The following ST6GALNAC3 variants were observed in gnomAD, a reference collection of about 807,000 sequenced individuals.
ST6GALNAC3 encodes alpha-N-acetylgalactosaminide alpha-2,6-sialyltransferase 3.
In ST6GALNAC3, 25 loss-of-function variants were observed where a neutral mutation model predicts 32.7. That is an observed-to-expected ratio of 0.76 (90% CI 0.56 to 1.07). ST6GALNAC3 has a LOEUF of 1.07. Ranked by LOEUF, ST6GALNAC3 falls within the 50% of genes least tolerant of loss-of-function variation. ST6GALNAC3 has a pLI of 0.00. For missense variants in ST6GALNAC3, 355 were observed against 382.4 expected (o/e 0.93, Z 0.60); for synonymous variants, 129 against 133.1 (o/e 0.97, Z 0.21).
At chr1:76,618,450 T>C (rs1230991589) in intron 3 of ST6GALNAC3, among the ~76,000 whole-genome samples, 1 of 152,204 alleles carries the variant, frequency 6.6e-6, no homozygotes, top group Admixed American at 6.5e-5. Context: ...GAGGATTAAA[T>C]GAGACAACAA....
chr1:76,335,665 G>T (rs982288834), intron 2 of ST6GALNAC3, among the ~76,000 whole-genome samples: 1 of 152,094 alleles, frequency 6.6e-6, no homozygotes, highest in Non-Finnish European at 1.5e-5. Context: ...AAATGATGTC[G>T]TTCAAGGACT....
chr1:76,608,278 A>C (rs1440567944), intron 3 of ST6GALNAC3, among the ~76,000 whole-genome samples: 1 of 152,226 alleles, frequency 6.6e-6, no homozygotes, highest in African/African-American at 2.4e-5. Flanking sequence ...AATGGTATTT[A>C]TTCATTTAAT....
intron 3 of ST6GALNAC3, among the ~76,000 whole-genome samples, chr1:76,514,782 A>G (rs1662076090): frequency 6.6e-6 from 1 of 152,172 alleles, no homozygotes; most frequent in Non-Finnish European, 1.5e-5. Context: ...CTCTTATTAC[A>G]ACACCAAATA....
intron 1 of ST6GALNAC3, among the ~76,000 whole-genome samples, chr1:76,239,065 G>C (rs2100660672): frequency 6.6e-6 from 1 of 151,728 alleles, no homozygotes; most frequent in South Asian, 2.1e-4. Context: ...GAGTGGGCTT[G>C]GGCCACCAGC....
intron 1 of ST6GALNAC3, among the ~76,000 whole-genome samples, chr1:76,207,847 C>A (rs1262061292): frequency 2.0e-5 from 3 of 152,180 alleles, no homozygotes; most frequent in Non-Finnish European, 4.4e-5. Flanking sequence ...TTCCCATAGT[C>A]CATATTCTTT....
intron 2 of ST6GALNAC3, among the ~76,000 whole-genome samples, chr1:76,379,894 G>A (rs767570930): frequency 3.2e-4 from 49 of 152,246 alleles, no homozygotes; most frequent in South Asian, 2.5e-3. Context: ...TTGATGAGGC[G>A]AAACAGGAGG....
intron 1 of ST6GALNAC3, among the ~76,000 whole-genome samples, chr1:76,237,803 A>G (rs1656742238): frequency 6.6e-6 from 1 of 152,234 alleles, no homozygotes; most frequent in African/African-American, 2.4e-5. Context: ...TTAAACACCT[A>G]TCATGTGCAA....
chr1:76,559,631 C>T (rs1665130969), intron 3 of ST6GALNAC3, among the ~76,000 whole-genome samples: 1 of 152,074 alleles, frequency 6.6e-6, no homozygotes, highest in Non-Finnish European at 1.5e-5. Flanking sequence ...ACTGATCATC[C>T]CTCACACAAG....
At chr1:76,618,668 T>C (rs1361928375) in intron 3 of ST6GALNAC3, among the ~76,000 whole-genome samples, 1 of 152,146 alleles carries the variant, frequency 6.6e-6, no homozygotes, top group African/African-American at 2.4e-5. Context: ...TTTGGGCTCA[T>C]GTTGATCCCA....
At chr1:76,588,112 C>G (rs1192116212) in intron 3 of ST6GALNAC3, among the ~76,000 whole-genome samples, 1 of 152,200 alleles carries the variant, frequency 6.6e-6, no homozygotes, top group African/African-American at 2.4e-5. Context: ...TCCCATTCCT[C>G]TTTGTACTGC....
chr1:76,390,758 C>T (rs948026113), intron 2 of ST6GALNAC3, among the ~76,000 whole-genome samples: 2 of 151,890 alleles, frequency 1.3e-5, no homozygotes, highest in Non-Finnish European at 2.9e-5. Flanking sequence ...ACTGTTTTCT[C>T]TTGCACATGT....
chr1:76,213,759 G>A lies in ST6GALNAC3; in HGVS notation c.19-100046G>A, dbSNP rs1034841732. ...TAAATCCTGCCCAGGAGACTGCCTTGCCTGGGCATAACCCAGCAGATGAAG... is the reference window on the plus strand; with the variant it reads ...TAAATCCTGCCCAGGAGACTGCCTTACCTGGGCATAACCCAGCAGATGAAG... On this transcript the variant is annotated intron_variant, in intron 1 of 4. Transcript: ENST00000328299. Among the ~76,000 whole-genome samples the A allele has an allele frequency of 2.0e-5, 3 of 152,096 alleles. No individual in the cohort carries two copies. The East Asian group carries it at 5.8e-4, about 29-fold the overall frequency.
At chr1:76,194,274 C>A (rs1014659418) in intron 1 of ST6GALNAC3, among the ~76,000 whole-genome samples, 1 of 152,028 alleles carries the variant, frequency 6.6e-6, no homozygotes, top group African/African-American at 2.4e-5. Context: ...ATATAGAGTA[C>A]GAGCTTAAAG....
At chr1:76,240,173 T>A (rs768403379) in intron 1 of ST6GALNAC3, among the ~76,000 whole-genome samples, 4 of 152,202 alleles carry the variant, frequency 2.6e-5, no homozygotes, top group African/African-American at 4.8e-5. Flanking sequence ...AAGCATTCAA[T>A]AAATGGCATA....
intron 1 of ST6GALNAC3, among the ~76,000 whole-genome samples, chr1:76,124,996 A>G (rs1399881020): frequency 1.3e-5 from 2 of 152,222 alleles, no homozygotes; most frequent in African/African-American, 2.4e-5. Context: ...TAATTTTTAT[A>G]TTAACTAGTG....
chr1:76,427,534 G>C (rs116250164), intron 3 of ST6GALNAC3, among the ~76,000 whole-genome samples: 73 of 152,080 alleles, frequency 4.8e-4, no homozygotes, highest in African/African-American at 1.8e-3. Flanking sequence ...AAAATTAATC[G>C]TATCTCCAAA....
intron 3 of ST6GALNAC3, among the ~76,000 whole-genome samples, chr1:76,587,468 G>A (rs555363065): frequency 1.2e-4 from 19 of 152,304 alleles, no homozygotes; most frequent in African/African-American, 2.9e-4. Flanking sequence ...AGAGTCCGGC[G>A]AACATGTGGA....
intron 1 of ST6GALNAC3, among the ~76,000 whole-genome samples, chr1:76,238,948 CTTT>C (rs35385527): frequency 1.3e-3 from 167 of 131,252 alleles, no homozygotes; most frequent in African/African-American, 4.3e-3. Context: ...TCCCACTAAC[CTTT>C]TTTTTTTTTT....
chr1:76,102,717 T>G (rs2100779255), intron 1 of ST6GALNAC3, among the ~76,000 whole-genome samples: 1 of 152,266 alleles, frequency 6.6e-6, no homozygotes, highest in African/African-American at 2.4e-5. Context: ...ACCTTTCAGA[T>G]GCCCAAGACA....
Sources: allele counts gnomAD v4.1 joint callset (sites outside exome capture counted in the v4.1 genomes callset), GRCh38; gene constraint gnomAD v4.1.1; transcripts MANE v1.5; gene names NCBI Gene and HGNC (gene_info 2026-07-23, HGNC 2026-07-21).